The following OSBPL10 variants were observed in gnomAD, a reference collection of about 807,000 sequenced individuals.
OSBPL10 encodes oxysterol binding protein like 10, also known as oxysterol-binding protein-related protein 10.
In OSBPL10, 49 loss-of-function variants were observed where a neutral mutation model predicts 81.7. The observed-to-expected ratio is 0.60, with a 90% CI of 0.48 to 0.76. The LOEUF (loss-of-function observed/expected upper bound fraction) is 0.76, where lower values mean the gene tolerates loss of function less well. OSBPL10 is among the 30% of genes least tolerant of loss of function. The pLI is 0.00. For synonymous variants in OSBPL10, 419 were observed against 383.6 expected, an observed-to-expected ratio of 1.09 and a Z score of -1.08; for missense variants, 923 against 987.8, an observed-to-expected ratio of 0.93 and a Z score of 0.88.
intron 1 of OSBPL10, among the ~76,000 whole-genome samples, chr3:31,962,246 C>T (rs557864327): frequency 3.9e-5 from 6 of 152,284 alleles, no homozygotes; most frequent in South Asian, 2.1e-4. Context: ...TGGGAGCCAC[C>T]GCGCCTGGCC....
chr3:31,761,820 A>AAAAAAAAAAAAAAC (rs1698052121), intron 4 of OSBPL10, among the ~76,000 whole-genome samples: 1 of 149,672 alleles, frequency 6.7e-6, no homozygotes, highest in African/African-American at 2.6e-5. Context: ...CTCTAAAAAA[A>AAAAAAAAAAAAAAC]AAAAAAAAAA....
intron 1 of OSBPL10, among the ~76,000 whole-genome samples, chr3:32,068,158 G>GT (rs1388891997): frequency 6.6e-6 from 1 of 152,080 alleles, no homozygotes; most frequent in Non-Finnish European, 1.5e-5. Flanking sequence ...TTCCTCTCTA[G>GT]TAGAGACAGA....
At chr3:31,780,438 C>G (rs7653210) in intron 4 of OSBPL10, among the ~76,000 whole-genome samples, 106,113 of 151,310 alleles carry the variant, frequency 0.7, 37,267 homozygotes, top group East Asian at 0.81. Flanking sequence ...ACAAATGAAA[C>G]CCAAACCCAG....
At chr3:31,692,141 T>G (rs1341484695) in intron 7 of OSBPL10, among the ~76,000 whole-genome samples, 2 of 152,158 alleles carry the variant, frequency 1.3e-5, no homozygotes, top group Non-Finnish European at 2.9e-5. Flanking sequence ...ATCCCTGTGT[T>G]TTTCCAGAGT....
chr3:31,731,304 A>C (rs969034190), intron 6 of OSBPL10, among the ~76,000 whole-genome samples: 15 of 152,080 alleles, frequency 9.9e-5, no homozygotes, highest in African/African-American at 3.6e-4. Context: ...ATTCTACTCC[A>C]TAAGACTTTC....
intron 1 of OSBPL10, among the ~76,000 whole-genome samples, chr3:31,961,107 T>G (rs1400613060): frequency 2.0e-5 from 3 of 150,008 alleles, no homozygotes; most frequent in Non-Finnish European, 4.4e-5. Context: ...ATATTCTTCA[T>G]GTGCAACCCA....
chr3:32,054,325 T>C (rs1052833458), intron 1 of OSBPL10, among the ~76,000 whole-genome samples: 1 of 152,178 alleles, frequency 6.6e-6, no homozygotes, highest in African/African-American at 2.4e-5. Flanking sequence ...GGTATAAAAA[T>C]CACACAGGAA....
At chr3:31,879,595 G>C in intron 2 of OSBPL10, 60 bp downstream of exon 2, 1 of 1,510,528 alleles carries the variant, frequency 6.6e-7, no homozygotes, top group East Asian at 2.3e-5. Context: ...CAAAAAACAA[G>C]AGAGCCATCA....
intron 4 of OSBPL10, among the ~76,000 whole-genome samples, chr3:31,818,106 A>T (rs1366668614): frequency 6.6e-6 from 1 of 152,084 alleles, no homozygotes; most frequent in Admixed American, 6.5e-5. Context: ...ACCTTGCCTC[A>T]AAAAACAAAC....
chr3:31,872,260 C>T (rs1211597386), intron 3 of OSBPL10, among the ~76,000 whole-genome samples: 2 of 152,132 alleles, frequency 1.3e-5, no homozygotes, highest in African/African-American at 4.8e-5. Context: ...CAGAGGGAAG[C>T]ACATGGTGGC....
chr3:31,735,389 G>T (rs114875187), intron 5 of OSBPL10, among the ~76,000 whole-genome samples: 62,886 of 151,522 alleles, frequency 0.42, 13,343 homozygotes, highest in East Asian at 0.64. Context: ...ACAGTAAGCG[G>T]TGATTGCACC....
At chr3:31,915,668 G>C (rs1696733795) in intron 1 of OSBPL10, among the ~76,000 whole-genome samples, 1 of 152,078 alleles carries the variant, frequency 6.6e-6, no homozygotes. Flanking sequence ...CAGTGCCTAG[G>C]TGACAGGATC....
chr3:31,858,532 G>C (rs1262590242), intron 3 of OSBPL10, among the ~76,000 whole-genome samples: 1 of 152,122 alleles, frequency 6.6e-6, no homozygotes. Flanking sequence ...GAGCACAACA[G>C]ACATGATCTC....
intron 1 of OSBPL10, among the ~76,000 whole-genome samples, chr3:31,954,550 T>C (rs1697955696): frequency 6.6e-6 from 1 of 152,164 alleles, no homozygotes; most frequent in Non-Finnish European, 1.5e-5. Context: ...TCCATTTATA[T>C]GAAATGCTAG....
intron 1 of OSBPL10, chr3:32,077,286 T>C (rs775299993): frequency 3.9e-5 from 6 of 152,180 alleles, no homozygotes; most frequent in Non-Finnish European, 7.3e-5. Context: ...TCATCTAAAC[T>C]CTGCTCTGAG....
intron 6 of OSBPL10, among the ~76,000 whole-genome samples, chr3:31,721,129 T>C (rs79885198): frequency 0.017 from 2,529 of 152,158 alleles, 57 homozygotes; most frequent in African/African-American, 0.057. Flanking sequence ...GTCAATGCTG[T>C]TGGCTCTGAA....
At chr3:31,955,788 C>G (rs1454167635) in intron 1 of OSBPL10, among the ~76,000 whole-genome samples, 3 of 152,224 alleles carry the variant, frequency 2.0e-5, no homozygotes, top group Admixed American at 2.0e-4. Flanking sequence ...CTACATTTCA[C>G]TGACTCCCTT....
chr3:31,890,262 T>C (rs933396551), intron 1 of OSBPL10, among the ~76,000 whole-genome samples: 5 of 151,154 alleles, frequency 3.3e-5, no homozygotes, highest in African/African-American at 1.2e-4. Flanking sequence ...ATAACCAAGA[T>C]GAATGTTATT....
chr3:32,031,116 G>A (rs1699462447), intron 2 of OSBPL10, among the ~76,000 whole-genome samples: 1 of 151,696 alleles, frequency 6.6e-6, no homozygotes, highest in African/African-American at 2.4e-5. Flanking sequence ...AGTGAGCTGA[G>A]TCGTGACACT....
Sources: gnomAD v4.1 joint callset for allele counts (sites outside exome capture counted in the v4.1 genomes callset) on GRCh38, gnomAD v4.1.1 for gene constraint, MANE v1.5 for transcripts, NCBI Gene and HGNC (gene_info 2026-07-23, HGNC 2026-07-21) for gene names.